VRK2: variants seen among roughly 807,000 people sequenced by gnomAD.
VRK2 encodes VRK serine/threonine kinase 2, also known as serine/threonine-protein kinase VRK2.
Under a neutral mutation model 57.6 loss-of-function variants are expected in VRK2, and 60 were observed. That is an observed-to-expected ratio of 1.04 (90% confidence interval 0.85 to 1.29). VRK2 has a LOEUF of 1.29. Among genes scored for constraint, VRK2 ranks in the 50% most tolerant of loss-of-function variants. VRK2 has a pLI of 0.00. For synonymous variants in VRK2, 231 were observed against 199.2 expected (o/e 1.16, Z -1.35); for missense variants, 705 against 588.1 (o/e 1.20, Z -2.06).
intron 1 of VRK2, among the ~76,000 whole-genome samples, chr2:57,933,677 A>C (rs115728716): frequency 7.9e-4 from 116 of 146,184 alleles, no homozygotes; most frequent in African/African-American, 2.8e-3. Flanking sequence ...TTTTTTTCTT[A>C]TCCATCCAGC....
At chr2:58,146,801 C>G (rs17049377) in intron 12 of VRK2, among the ~76,000 whole-genome samples, 1,654 of 152,022 alleles carry the variant, frequency 0.011, 44 homozygotes, top group African/African-American at 0.038. Context: ...TTCCTCAAGT[C>G]TCACCCTTAT....
intron 7 of VRK2, among the ~76,000 whole-genome samples, chr2:58,105,793 C>T (rs888600071): frequency 1.3e-5 from 2 of 151,756 alleles, no homozygotes; most frequent in African/African-American, 2.4e-5. Context: ...CTATTGCTAG[C>T]GACCTCAAAT....
chr2:58,086,542 T>G, intron 5 of VRK2, 116 bp downstream of exon 5: 2 of 819,588 alleles, frequency 2.4e-6, no homozygotes, highest in Admixed American at 5.9e-5. Context: ...AACCACAAAC[T>G]TGTATTGTCT....
intron 1 of VRK2, among the ~76,000 whole-genome samples, chr2:57,959,314 G>A (rs1671682653): frequency 1.3e-5 from 2 of 152,174 alleles, no homozygotes; most frequent in South Asian, 4.1e-4. Context: ...GAAATGTGAG[G>A]ACCACTGTGA....
chr2:57,917,726 T>C (rs1000085732), intron 1 of VRK2, among the ~76,000 whole-genome samples: 6 of 151,860 alleles, frequency 4.0e-5, no homozygotes, highest in Admixed American at 1.3e-4. Flanking sequence ...AATGTTGATA[T>C]AGCTTTACTT....
At chr2:57,927,018 G>GTGTGTGTT (rs1283561594) in intron 1 of VRK2, among the ~76,000 whole-genome samples, 1 of 151,148 alleles carries the variant, frequency 6.6e-6, no homozygotes, top group Admixed American at 6.6e-5. Context: ...GTGTGTGTGT[G>GTGTGTGTT]TGTGTGTGTG....
intron 2 of VRK2, among the ~76,000 whole-genome samples, chr2:58,080,352 ATTAT>A (rs1029650982): frequency 1.3e-5 from 2 of 151,958 alleles, no homozygotes; most frequent in African/African-American, 4.8e-5. Flanking sequence ...AATGTTTTTA[ATTAT>A]TAGTGTTTTT....
rs186873371 is a variant in VRK2, at chr2:58,006,494, T to C, written c.-438-19171T>C. 7.9e-5 allele frequency among the ~76,000 whole-genome samples: 12 copies of C among 152,298 alleles called. No homozygotes were observed. In the East Asian group the frequency reaches 2.3e-3, roughly 29 times the overall value. Reference sequence around the variant, plus strand: ...GTCTAGAAGACATACCACTGACCAATACTGTGAGGAAATAAATTTGTAAGT... The same window carrying C: ...GTCTAGAAGACATACCACTGACCAACACTGTGAGGAAATAAATTTGTAAGT... On this transcript the variant is annotated intron_variant, in intron 1 of 15. Transcript: ENST00000417641.
intron 1 of VRK2, among the ~76,000 whole-genome samples, chr2:57,968,355 C>G (rs1432864574): frequency 6.6e-6 from 1 of 151,936 alleles, no homozygotes; most frequent in Non-Finnish European, 1.5e-5. Flanking sequence ...TCTCTCTCAT[C>G]CAAGAAAATG....
rs187666222 is a variant in VRK2 at position 58,054,630 on chromosome 2, A to G, written c.136+5663A>G. On this transcript the variant is annotated intron_variant, in intron 2 of 12. Transcript: ENST00000340157. ...TTTAAGACACAGGAATATCTATATC[A>G]GATAAATGAGAAGAAAATTAAGAAA... Among the ~76,000 whole-genome samples the G allele has an allele frequency of 8.5e-5, 13 of 152,292 alleles. No individual in the cohort carries two copies. In the East Asian group the frequency reaches 2.1e-3, roughly 25 times the overall value.
chr2:57,939,035 C>A (rs1047892859), intron 1 of VRK2, among the ~76,000 whole-genome samples: 1 of 152,066 alleles, frequency 6.6e-6, no homozygotes, highest in Non-Finnish European at 1.5e-5. Flanking sequence ...AATAGTGAAG[C>A]CTGAAACTAT....
chr2:57,964,802 C>A (rs1671863450), intron 1 of VRK2, among the ~76,000 whole-genome samples: 1 of 146,336 alleles, frequency 6.8e-6, no homozygotes, highest in African/African-American at 2.5e-5. Context: ...AGAAGGATCA[C>A]CTGAGAGGTG....
chr2:57,922,454 T>G (rs891240726), intron 1 of VRK2, among the ~76,000 whole-genome samples: 3 of 146,958 alleles, frequency 2.0e-5, no homozygotes, highest in East Asian at 4.0e-4. Context: ...AGTTACCTTC[T>G]TGTGTGTGTG....
intron 2 of VRK2, among the ~76,000 whole-genome samples, chr2:58,074,822 C>CT (rs1324105722): frequency 4.6e-5 from 7 of 151,970 alleles, no homozygotes; most frequent in African/African-American, 1.7e-4. Flanking sequence ...TGTTGATGTG[C>CT]TGGTAAGGTG....
chr2:57,960,807 C>T (rs1282869682), intron 1 of VRK2, among the ~76,000 whole-genome samples: 3 of 152,210 alleles, frequency 2.0e-5, no homozygotes, highest in Non-Finnish European at 4.4e-5. Flanking sequence ...GCCATAATCT[C>T]TTCAAAATAA....
At chr2:58,144,290 A>G (rs1364919553) in intron 11 of VRK2, among the ~76,000 whole-genome samples, 2 of 151,994 alleles carry the variant, frequency 1.3e-5, no homozygotes, top group East Asian at 1.9e-4. Context: ...ACTTTCAGTT[A>G]TAAGATGAAT....
At chr2:57,970,760 A>C (rs1325083840) in intron 1 of VRK2, among the ~76,000 whole-genome samples, 1 of 151,976 alleles carries the variant, frequency 6.6e-6, no homozygotes, top group African/African-American at 2.4e-5. Context: ...CTAAATTTTA[A>C]CAAATGTCAA....
intron 1 of VRK2, among the ~76,000 whole-genome samples, chr2:57,916,436 A>G (rs922624239): frequency 4.0e-5 from 6 of 150,720 alleles, no homozygotes; most frequent in African/African-American, 1.5e-4. Context: ...ACTACCCCCT[A>G]AAGAACCATA....
chr2:57,928,054 T>G (rs1670599325), intron 1 of VRK2, among the ~76,000 whole-genome samples: 1 of 152,192 alleles, frequency 6.6e-6, no homozygotes. Context: ...TTCTTGTACT[T>G]GACTTTTGAT....
Sources: allele counts gnomAD v4.1 joint callset (sites outside exome capture counted in the v4.1 genomes callset), GRCh38; gene constraint gnomAD v4.1.1; transcripts MANE v1.5; gene names NCBI Gene and HGNC (gene_info 2026-07-23, HGNC 2026-07-21).